The following NOXA1 variants were observed in gnomAD, a reference collection of about 807,000 sequenced individuals.
NOXA1 encodes NADPH oxidase activator 1, also known as NCF2-like protein.
In NOXA1, 56 loss-of-function variants were observed where a neutral mutation model predicts 64.8. The observed-to-expected ratio is 0.86, with a 90% CI of 0.70 to 1.08. The LOEUF (loss-of-function observed/expected upper bound fraction) is 1.08, where lower values mean the gene tolerates loss of function less well. Ranked by LOEUF, NOXA1 falls within the 50% of genes least tolerant of loss-of-function variation. The probability of loss-of-function intolerance (pLI) is 0.00; values close to 1 mark genes in which losing one functional copy is unlikely to be tolerated. For synonymous variants in NOXA1, 295 were observed against 294.8 expected, an observed-to-expected ratio of 1.00 and a Z score of -0.01; for missense variants, 668 against 658.5, an observed-to-expected ratio of 1.01 and a Z score of -0.16.
intron 1 of NOXA1, 36 bp from the exon 2 acceptor site, chr9:137,426,212 C>T (rs1192842920): frequency 1.3e-6 from 2 of 1,581,284 alleles, no homozygotes; most frequent in African/African-American, 1.3e-5. Context: ...GACCAGGTTA[C>T]AGACCTTGGC....
At chr9:137,427,746 G>A (rs969259019) in intron 2 of NOXA1, among the ~76,000 whole-genome samples, 4 of 152,230 alleles carry the variant, frequency 2.6e-5, no homozygotes, top group Admixed American at 6.5e-5. Context: ...TCTCTGCACG[G>A]TTCAGAAGAG....
In NOXA1 at chr9:137,426,166, C is replaced by T. The variant is rs1341728400; in HGVS notation, c.178-82C>T. 3 of 1,276,184 alleles carry T rather than the reference C, an allele frequency of 2.4e-6. No individual in the cohort carries two copies. The East Asian group carries it at 7.0e-5, about 30-fold the overall frequency. The allele number at this position is 1,276,184 out of a possible 1,614,324, so 79.1% of individuals were successfully genotyped here. A position where few individuals can be genotyped will look rare whatever the true frequency, so the allele number is the denominator to read the frequency against. On this transcript the variant is annotated intron_variant, in intron 1 of 13. Coordinates refer to ENST00000683555, the MANE Select transcript of NOXA1 (RefSeq NM_001256067.2). The stretch of plus-strand genomic sequence containing the variant: ...CCAGGGGCTGACGGAATTCCGTGGC[C>T]CTGTCACCCATCACGCTGTATCTGT...
At chr9:137,426,448 T>C in intron 2 of NOXA1, 118 bp downstream of exon 2, 1 of 878,504 alleles carries the variant, frequency 1.1e-6, no homozygotes, top group Non-Finnish European at 1.9e-6. Context: ...CACCCCCTCC[T>C]CCATGGTTCC....
chr9:137,433,431 TC>T, intron 10 of NOXA1, 21 bp from the exon 11 acceptor site: 1 of 1,582,230 alleles, frequency 6.3e-7, no homozygotes. Flanking sequence ...CGACCACCCC[TC>T]CCCCTCCTGC....
chr9:137,432,994 C>T (rs778771357), intron 8 of NOXA1, 35 bp from the exon 9 acceptor site: 10 of 1,610,708 alleles, frequency 6.2e-6, no homozygotes, highest in Admixed American at 3.3e-5. Context: ...AGCACCTGAC[C>T]GCCCCAGCCC....
rs1839039042 is a variant in NOXA1, at chr9:137,430,120, C to T, written c.613-664C>T. Among the ~76,000 whole-genome samples the T allele has an allele frequency of 2.0e-5, 3 of 150,132 alleles. No homozygotes were observed. In the South Asian group the frequency reaches 6.4e-4, roughly 32 times the overall value. Reference sequence around the variant, plus strand: ...AGGTCCCGGGGGGTCTCCCTGTGTCCCTGCCACAGATAGCGAGGTCCCTGG... The same window carrying T: ...AGGTCCCGGGGGGTCTCCCTGTGTCTCTGCCACAGATAGCGAGGTCCCTGG... On this transcript the variant is annotated intron_variant, in intron 5 of 13. Transcript: ENST00000683555.
At chr9:137,428,258 T>G in intron 3 of NOXA1, 117 bp downstream of exon 3, 2 of 698,792 alleles carry the variant, frequency 2.9e-6, no homozygotes, top group Non-Finnish European at 4.9e-6. Context: ...CTTGGTGCCA[T>G]GGAATACCCT....
intron 2 of NOXA1, among the ~76,000 whole-genome samples, chr9:137,427,513 G>T (rs1368623138): frequency 6.6e-6 from 1 of 152,256 alleles, no homozygotes; most frequent in Non-Finnish European, 1.5e-5. Context: ...AAGAGTCCCA[G>T]CATTCGGGAT....
In NOXA1 at chr9:137,431,395, C is replaced by T. The variant is rs558541471; in HGVS notation, c.804+54C>T. 22 of 1,424,690 alleles carry T rather than the reference C, an allele frequency of 1.5e-5. No individual in the cohort carries two copies. The highest frequency in any genetic ancestry group is 4.6e-5 in the South Asian group (4 of 86,882). The allele number at this position is 1,424,690 out of a possible 1,614,324, so 88.3% of individuals were successfully genotyped here. ...TGGGGGTCGGTGCTTCTGCTGCCTC[C>T]GCAGACTGGGGACCACAATGGGACC... On this transcript the variant is annotated intron_variant, in intron 8 of 13. Coordinates refer to ENST00000683555, the MANE Select transcript of NOXA1 (RefSeq NM_001256067.2). This position sits in a 1 kb window ranked among gnomAD's most constrained non-coding sequence, Gnocchi z 5.6.
intron 1 of NOXA1, among the ~76,000 whole-genome samples, chr9:137,425,171 G>A (rs928301754): frequency 5.3e-5 from 8 of 152,166 alleles, no homozygotes; most frequent in Non-Finnish European, 1.0e-4. Flanking sequence ...CCCCCACTCA[G>A]CCAGATTTGT....
chr9:137,433,946 G>A lies in NOXA1; in HGVS notation c.1180-19G>A. On this transcript the variant is annotated intron_variant, in intron 12 of 13. Coordinates refer to ENST00000683555, the MANE Select transcript of NOXA1 (RefSeq NM_001256067.2). ...CTCCCAGTGCCCGGCCCGACCTGCA[G>A]CCCACTCTCCTGCCTCAGGGAGCCG... The A allele has an allele frequency of 1.3e-6, 2 of 1,536,922 alleles. No homozygotes were observed. The highest frequency in any genetic ancestry group is 1.7e-6 in the Non-Finnish European group (2 of 1,143,264).
In NOXA1 at chr9:137,433,248, C is replaced by A. The variant is rs1352582460; in HGVS notation, c.894C>A (p.Asp298Glu). Residue 298 changes from aspartate (D) to glutamate (E), a missense_variant, in exon 10 of 14, where the codon GAC (aspartate) becomes GAA (glutamate). Physicochemically the swap from Asp to Glu is conservative, Grantham distance 45. Coordinates refer to ENST00000683555, the MANE Select transcript of NOXA1 (RefSeq NM_001256067.2). Reference sequence around the variant, plus strand: ...GGCCTGGCCCCGGCCCCTGTGAGGACCCCGCGGGTGCTGGGGTAAGAGGCT... The same window carrying A: ...GGCCTGGCCCCGGCCCCTGTGAGGAACCCGCGGGTGCTGGGGTAAGAGGCT... ...MGGPGPGPCE[D>E]PAGAGGAGAG... The A allele has an allele frequency of 5.6e-6, 9 of 1,594,194 alleles. No homozygotes were observed. The highest frequency in any genetic ancestry group is 7.7e-6 in the Non-Finnish European group (9 of 1,172,022).
At chr9:137,426,560 A>G (rs1838854898) in intron 2 of NOXA1, among the ~76,000 whole-genome samples, 1 of 152,088 alleles carries the variant, frequency 6.6e-6, no homozygotes, top group African/African-American at 2.4e-5. Flanking sequence ...TCTCTGCACC[A>G]TGTCCCTTCC....
chr9:137,430,657 C>T (rs894429724), intron 5 of NOXA1, 127 bp from the exon 6 acceptor site: 11 of 689,028 alleles, frequency 1.6e-5, no homozygotes, highest in East Asian at 1.5e-4. Flanking sequence ...AGACGTGGGC[C>T]GGGCATGGGC....
chr9:137,431,054 G>T lies in NOXA1; in HGVS notation c.673-21G>T. On this transcript the variant is annotated intron_variant, in intron 6 of 13. Transcript: ENST00000683555. The surrounding 1 kb of genome is among the most constrained non-coding windows in gnomAD (Gnocchi z 5.6). ...GCCCCCGACCCTTAACCAGAGCGAG[G>T]TTGTTGCTTTGTGTCCACAGGGACC... The T allele has an allele frequency of 6.2e-7, 1 of 1,613,274 alleles. No individual in the cohort carries two copies. The highest frequency in any genetic ancestry group is 8.5e-7 in the Non-Finnish European group (1 of 1,179,988).
chr9:137,432,430 A>C (rs1839148401), intron 8 of NOXA1, among the ~76,000 whole-genome samples: 1 of 152,130 alleles, frequency 6.6e-6, no homozygotes, highest in Non-Finnish European at 1.5e-5. Context: ...AATACAAAAA[A>C]TTAGCTGGGC....
chr9:137,428,273 A>C, intron 3 of NOXA1, 132 bp downstream of exon 3: 1 of 644,252 alleles, frequency 1.6e-6, no homozygotes, highest in Non-Finnish European at 2.7e-6. Flanking sequence ...TACCCTGGCC[A>C]CTCCTTGACC....
chr9:137,434,340 C>T lies in NOXA1; in HGVS notation c.1411C>T (p.Gln471Ter). ...SGAPGRLPRS[Q>*]QGDQP ...AGCCCCCGGCCGCCTGCCCCGATCC[C>T]AGCAGGGAGATCAGCCCTAATGATG... Residue 471 changes from glutamine to a stop codon, truncating the protein, a stop_gained, in exon 14 of 14, where the codon CAG becomes TAG. Transcript: ENST00000683555. LOFTEE classifies it high-confidence loss of function. 1 of 1,602,638 alleles carries T rather than the reference C, an allele frequency of 6.2e-7. No homozygotes were observed. The highest frequency in any genetic ancestry group is 2.2e-5 in the East Asian group (1 of 44,732).
chr9:137,427,744 C>T (rs79297100), intron 2 of NOXA1, among the ~76,000 whole-genome samples: 2,094 of 152,316 alleles, frequency 0.014, 44 homozygotes, highest in African/African-American at 0.042. Context: ...GCTCTCTGCA[C>T]GGTTCAGAAG....
Sources: allele counts gnomAD v4.1 joint callset (sites outside exome capture counted in the v4.1 genomes callset), GRCh38; gene constraint gnomAD v4.1.1; non-coding constraint Gnocchi (gnomAD v3.1); transcripts MANE v1.5; gene names NCBI Gene and HGNC (gene_info 2026-07-23, HGNC 2026-07-21).